The following IL1RAPL2 variants were observed in gnomAD, a reference collection of about 807,000 sequenced individuals.
IL1RAPL2 encodes interleukin 1 receptor accessory protein like 2, also known as X-linked interleukin-1 receptor accessory protein-like 2.
Under a neutral mutation model 44.1 loss-of-function variants are expected in IL1RAPL2, and 3 were observed. The observed-to-expected ratio is 0.07, with a 90% CI of 0.03 to 0.18. The LOEUF (loss-of-function observed/expected upper bound fraction) is 0.18, where lower values mean the gene tolerates loss of function less well. Ranked by LOEUF, IL1RAPL2 falls within the 10% of genes least tolerant of loss-of-function variation. IL1RAPL2 has a pLI of 1.00. For synonymous variants in IL1RAPL2, 181 were observed against 178.8 expected (o/e 1.01, Z -0.10); for missense variants, 391 against 496.4 (o/e 0.79, Z 2.02).
At chrX:104,931,662 A>G (rs1193047563) in intron 2 of IL1RAPL2, among the ~76,000 whole-genome samples, 1 of 111,772 alleles carries the variant, frequency 8.9e-6, no homozygotes, top group Non-Finnish European at 1.9e-5. Flanking sequence ...CTGAAATTTA[A>G]TTATGACTGA....
chrX:104,910,048 T>C (rs1924181801), intron 2 of IL1RAPL2, among the ~76,000 whole-genome samples: 1 of 112,600 alleles, frequency 8.9e-6, no homozygotes, highest in Admixed American at 9.3e-5. Flanking sequence ...GGGAATATAA[T>C]CTCATGCTGC....
chrX:105,714,700 C>T (rs891850781), intron 6 of IL1RAPL2, among the ~76,000 whole-genome samples: 2 of 111,914 alleles, frequency 1.8e-5, no homozygotes, highest in African/African-American at 6.5e-5. Flanking sequence ...TTACTCCATT[C>T]ATAAGGGCAA....
At chrX:104,975,556 A>G (rs182051817) in intron 2 of IL1RAPL2, among the ~76,000 whole-genome samples, 264 of 112,870 alleles carry the variant, frequency 2.3e-3, no homozygotes, top group African/African-American at 7.7e-3. Flanking sequence ...TAAATCAAAG[A>G]ACATGGTAAA....
intron 2 of IL1RAPL2, among the ~76,000 whole-genome samples, chrX:104,815,593 T>C (rs763840703): frequency 8.9e-6 from 1 of 112,084 alleles, no homozygotes; most frequent in African/African-American, 3.2e-5. Context: ...TGCTTTAAAA[T>C]AATTTTATGT....
chrX:105,040,072 T>G (rs1217997855), intron 2 of IL1RAPL2, among the ~76,000 whole-genome samples: 5 of 111,253 alleles, frequency 4.5e-5, no homozygotes, highest in African/African-American at 9.8e-5. Context: ...CCTAATTTCT[T>G]GAGAGTTTTT....
intron 2 of IL1RAPL2, among the ~76,000 whole-genome samples, chrX:104,736,302 A>G (rs1470322901): frequency 8.9e-6 from 1 of 112,105 alleles, no homozygotes; most frequent in Non-Finnish European, 1.9e-5. Flanking sequence ...TATATAGGCT[A>G]TTGGCAAGGC....
intron 2 of IL1RAPL2, among the ~76,000 whole-genome samples, chrX:105,039,567 A>C (rs1477161171): frequency 8.9e-6 from 1 of 111,934 alleles, no homozygotes; most frequent in Non-Finnish European, 1.9e-5. Context: ...TTTTCACTTC[A>C]GAGAACATAC....
chrX:105,299,462 G>A (rs1317254834), intron 5 of IL1RAPL2, among the ~76,000 whole-genome samples: 2 of 111,280 alleles, frequency 1.8e-5, no homozygotes, highest in Non-Finnish European at 3.8e-5. Context: ...TCATTGATTG[G>A]TCAAAGAGTA....
At chrX:105,518,022 ATC>A (rs1442223441) in intron 6 of IL1RAPL2, among the ~76,000 whole-genome samples, 6 of 111,464 alleles carry the variant, frequency 5.4e-5, no homozygotes, top group African/African-American at 2.0e-4. Context: ...AATAATGAAT[ATC>A]TGTTGAATGA....
intron 2 of IL1RAPL2, among the ~76,000 whole-genome samples, chrX:105,156,145 G>A (rs193049661): frequency 9.0e-6 from 1 of 111,489 alleles, no homozygotes; most frequent in Admixed American, 9.5e-5. Flanking sequence ...AGTTTTGAGG[G>A]CAGAAATCAT....
rs1178688392 is a variant in IL1RAPL2, at chrX:105,749,026, T to C, written c.1115T>C (p.Val372Ala). The C allele has an allele frequency of 4.1e-6, 5 of 1,209,206 alleles. No individual in the cohort carries two copies. In the Admixed American group the frequency reaches 1.1e-4, roughly 26 times the overall value. ...GAIFLLLVLL[V>A]VIYKCYNIEL... The stretch of plus-strand genomic sequence containing the variant: ...ATCTTCCTCCTCCTTGTACTGCTGG[T>C]GGTCATTTACAAATGCTACAACATT... The change falls in exon 9 of 11, where the codon GTG (valine) becomes GCG (alanine). Residue 372 changes from valine to alanine, a missense_variant. Transcript: ENST00000372582.
chrX:104,705,729 C>T (rs1250858116), intron 2 of IL1RAPL2, among the ~76,000 whole-genome samples: 7 of 111,273 alleles, frequency 6.3e-5, no homozygotes, highest in Non-Finnish European at 1.3e-4. Flanking sequence ...AAACTGGAGG[C>T]GAGAGGGAAA....
chrX:104,995,926 G>A (rs1379003555), intron 2 of IL1RAPL2, among the ~76,000 whole-genome samples: 1 of 111,762 alleles, frequency 8.9e-6, no homozygotes, highest in African/African-American at 3.2e-5. Context: ...TACCTACTCA[G>A]CCACTCACAT....
At chrX:105,406,376 G>A in intron 5 of IL1RAPL2, 1 of 1,054,438 alleles carries the variant, frequency 9.5e-7, no homozygotes, top group Non-Finnish European at 1.3e-6. Context: ...TAATTTATTG[G>A]GTGTGTTAGA....
chrX:104,671,862 T>C (rs1930611266), intron 2 of IL1RAPL2, among the ~76,000 whole-genome samples: 1 of 111,793 alleles, frequency 8.9e-6, no homozygotes, highest in Non-Finnish European at 1.9e-5. Context: ...GCCTGCCTAC[T>C]CTCAGGTTTT....
intron 1 of IL1RAPL2, among the ~76,000 whole-genome samples, chrX:104,596,147 CAT>C (rs889611719): frequency 9.0e-6 from 1 of 110,810 alleles, no homozygotes; most frequent in African/African-American, 3.3e-5. Context: ...TTTTAATTAA[CAT>C]ATTAATAATG....
intron 2 of IL1RAPL2, among the ~76,000 whole-genome samples, chrX:105,005,052 C>T (rs569807406): frequency 3.6e-5 from 4 of 110,732 alleles, no homozygotes; most frequent in African/African-American, 6.6e-5. Context: ...CCCTCTACAC[C>T]GATCTACCCT....
intron 6 of IL1RAPL2, among the ~76,000 whole-genome samples, chrX:105,525,224 A>G: frequency 9.0e-6 from 1 of 111,606 alleles, no homozygotes; most frequent in Admixed American, 9.6e-5. Flanking sequence ...AACAAATGAT[A>G]CAATATAAGG....
chrX:104,946,379 C>CATAAAAAAAAAAAAA (rs1925354552), intron 2 of IL1RAPL2, among the ~76,000 whole-genome samples: 1 of 9,140 alleles, frequency 1.1e-4, no homozygotes, highest in Non-Finnish European at 1.6e-4. Context: ...GACTCCGTCT[C>CATAAAAAAAAAAAAA]AAAAAAAAAA....
Sources: gnomAD v4.1 joint callset for allele counts (sites outside exome capture counted in the v4.1 genomes callset) on GRCh38, gnomAD v4.1.1 for gene constraint, MANE v1.5 for transcripts, NCBI Gene and HGNC (gene_info 2026-07-23, HGNC 2026-07-21) for gene names.